The following CXXC5 variants were observed in gnomAD, a reference collection of about 807,000 sequenced individuals.
CXXC5 encodes the protein CXXC finger protein 5, also known as CXXC-type zinc finger protein 5.
Under a neutral mutation model 17.6 loss-of-function variants are expected in CXXC5, and 2 were observed. The ratio of observed to expected loss-of-function variants is 0.11; its 90% CI spans 0.05 to 0.36. CXXC5 has a LOEUF of 0.36. Among genes scored for constraint, CXXC5 ranks in the 10% least tolerant of loss-of-function variants. The probability of loss-of-function intolerance (pLI) is 1.00; values close to 1 mark genes in which losing one functional copy is unlikely to be tolerated. For synonymous variants in CXXC5, 171 were observed against 193.0 expected (o/e 0.89, Z 0.94); for missense variants, 343 against 458.3 (o/e 0.75, Z 2.30).
rs1244932512 is a variant in CXXC5, at chr5:139,670,055, G to A, written c.-160-10309G>A. Among the ~76,000 whole-genome samples the A allele has an allele frequency of 6.6e-6, 1 of 152,226 alleles. No individual in the cohort carries two copies. Among genetic ancestry groups the A allele is most frequent in the Admixed American group, 6.5e-5 (1 of 15,290 alleles). ...CACTGTGGCGGCGGCTCCTCTCCAG[G>A]CGCCCAGCTGTGGCATCTGTCAAGG... On this transcript the variant is annotated intron_variant, in intron 1 of 2. Coordinates refer to ENST00000302517, the MANE Select transcript of CXXC5 (RefSeq NM_016463.9). The surrounding 1 kb of genome is among the most constrained non-coding windows in gnomAD (Gnocchi z 4.2).
intron 1 of CXXC5, among the ~76,000 whole-genome samples, chr5:139,678,782 C>T (rs1226552105): frequency 6.6e-6 from 1 of 152,208 alleles, no homozygotes; most frequent in Non-Finnish European, 1.5e-5. Flanking sequence ...CCCTCAAGCC[C>T]AGGGCGTGAT....
rs1478607245 is a variant in CXXC5 at position 139,652,165 on chromosome 5, C to CGTGTGTGT, written c.-161+3321_-161+3322insTGTGTGTG. ...AGCCGCCGGCGCGCGCGCGCGCGCG[C>CGTGTGTGT]GCGCGCGTGTGTGTGTGTGTGTGTG... On this transcript the variant is annotated intron_variant, in intron 1 of 2. Transcript: ENST00000302517. 6.5e-4 allele frequency among the ~76,000 whole-genome samples: 91 copies of CGTGTGTGT among 139,604 alleles called. 1 individual carries two copies. The highest frequency in any genetic ancestry group is 2.3e-3 in the African/African-American group (82 of 35,848). The allele number at this position is 139,604 out of a possible 152,430, so 91.6% of individuals were successfully genotyped here. A position where few individuals can be genotyped will look rare whatever the true frequency, so the allele number is the denominator to read the frequency against.
In CXXC5 at chr5:139,663,462, T is replaced by C. The variant is rs1488917456; in HGVS notation, c.-161+14617T>C. On this transcript the variant is annotated intron_variant, in intron 1 of 2. Coordinates refer to ENST00000302517, the MANE Select transcript of CXXC5 (RefSeq NM_016463.9). This position sits in a 1 kb window ranked among gnomAD's most constrained non-coding sequence, Gnocchi z 4.2. ...GGTAGGAGGAAAGGCTGTCTAGAAG[T>C]GTAGGTAGGCCTTCTTCCTTTGGGC... 6.6e-6 allele frequency among the ~76,000 whole-genome samples: 1 copy of C among 151,816 alleles called. No homozygotes were observed. The highest frequency in any genetic ancestry group is 1.5e-5 in the Non-Finnish European group (1 of 67,954).
rs1027865206 is a variant in CXXC5 at position 139,655,905 on chromosome 5, T to C, written c.-161+7060T>C. Among the ~76,000 whole-genome samples the C allele has an allele frequency of 1.3e-4, 20 of 152,340 alleles. No individual in the cohort carries two copies. In the East Asian group the frequency reaches 2.5e-3, roughly 19 times the overall value. ...GGGCCTCACTGGCCTCCCAGGAATG[T>C]GGCTGGGACGCCCCAGCTATATTTA... On this transcript the variant is annotated intron_variant, in intron 1 of 2. Coordinates refer to ENST00000302517, the MANE Select transcript of CXXC5 (RefSeq NM_016463.9).
intron 2 of CXXC5, 145 bp downstream of exon 2, chr5:139,681,592 C>A: frequency 2.1e-6 from 2 of 954,348 alleles, no homozygotes; most frequent in Non-Finnish European, 3.1e-6. Flanking sequence ...GGGGGTCTGG[C>A]TTCAAGACAC....
At chr5:139,682,132 G>C (rs1291087554) in intron 2 of CXXC5, among the ~76,000 whole-genome samples, 1 of 152,190 alleles carries the variant, frequency 6.6e-6, no homozygotes, top group Non-Finnish European at 1.5e-5. Context: ...CCCTGTGGCA[G>C]GGCCCGTCCC....
At chr5:139,676,444 A>C (rs1015174886) in intron 1 of CXXC5, among the ~76,000 whole-genome samples, 1 of 1,012 alleles carries the variant, frequency 9.9e-4, no homozygotes, top group Non-Finnish European at 1.6e-3. Flanking sequence ...CCTCCTCCCC[A>C]CCTCCTCCCC....
At chr5:139,667,585 T>C (rs1210637117) in intron 1 of CXXC5, among the ~76,000 whole-genome samples, 1 of 152,172 alleles carries the variant, frequency 6.6e-6, no homozygotes, top group Non-Finnish European at 1.5e-5. Context: ...GGGTCTTCTT[T>C]CAGGCCTCAG....
intron 1 of CXXC5, among the ~76,000 whole-genome samples, chr5:139,679,202 C>T (rs1337997425): frequency 6.6e-6 from 1 of 152,220 alleles, no homozygotes; most frequent in African/African-American, 2.4e-5. Context: ...CACCCAGGCC[C>T]TACTCTGCAG....
chr5:139,662,721 G>A (rs1054689140), intron 1 of CXXC5, among the ~76,000 whole-genome samples: 6 of 152,232 alleles, frequency 3.9e-5, no homozygotes, highest in African/African-American at 1.2e-4. Flanking sequence ...GCAGTGGCCA[G>A]TCAGGAAACT....
At chr5:139,671,023 G>A (rs1439849695) in intron 1 of CXXC5, among the ~76,000 whole-genome samples, 1 of 152,202 alleles carries the variant, frequency 6.6e-6, no homozygotes, top group Non-Finnish European at 1.5e-5. Context: ...CACCCGAGGG[G>A]CTTTTGTCCC....
At chr5:139,664,970 T>G (rs899737493) in intron 1 of CXXC5, among the ~76,000 whole-genome samples, 2 of 152,200 alleles carry the variant, frequency 1.3e-5, no homozygotes, top group African/African-American at 2.4e-5. Flanking sequence ...ACAGAACTGA[T>G]AGAGTGTGGT....
chr5:139,657,877 G>A (rs546243614), intron 1 of CXXC5, among the ~76,000 whole-genome samples: 281 of 152,160 alleles, frequency 1.8e-3, no homozygotes, highest in African/African-American at 6.4e-3. Context: ...CTGACCTGAC[G>A]CCCGCCCTCC....
intron 1 of CXXC5, among the ~76,000 whole-genome samples, chr5:139,669,909 C>T (rs1375517286): frequency 6.6e-6 from 1 of 152,208 alleles, no homozygotes; most frequent in Admixed American, 6.5e-5. Flanking sequence ...CCCCATCCAC[C>T]CTACTGGGAG....
intron 1 of CXXC5, among the ~76,000 whole-genome samples, chr5:139,674,731 C>T (rs1756685161): frequency 1.3e-5 from 2 of 152,180 alleles, no homozygotes; most frequent in African/African-American, 4.8e-5. Context: ...AAAAATCCTG[C>T]CAGCCAGGCG....
At chr5:139,651,350 G>A (rs922866295) in intron 1 of CXXC5, among the ~76,000 whole-genome samples, 2 of 151,938 alleles carry the variant, frequency 1.3e-5, no homozygotes, top group African/African-American at 4.8e-5. Context: ...TTTATCACGT[G>A]AGGCCTGGAA....
chr5:139,647,604 A>G (rs1754941326), upstream of CXXC5, among the ~76,000 whole-genome samples: 1 of 152,136 alleles, frequency 6.6e-6, no homozygotes, highest in African/African-American at 2.4e-5. Context: ...GTACCTATTG[A>G]GCGCTGCTGT....
chr5:139,672,844 C>T (rs1035320353), intron 1 of CXXC5, among the ~76,000 whole-genome samples: 2 of 152,186 alleles, frequency 1.3e-5, no homozygotes, highest in African/African-American at 4.8e-5. Flanking sequence ...ACCTAGGCCT[C>T]AGGCCTCCAG....
At chr5:139,681,691 C>T (rs1460786004) in intron 2 of CXXC5, among the ~76,000 whole-genome samples, 1 of 152,218 alleles carries the variant, frequency 6.6e-6, no homozygotes, top group Non-Finnish European at 1.5e-5. Flanking sequence ...CAGGCAAGGA[C>T]CTAGCATTCT....
Sources: allele counts gnomAD v4.1 joint callset (sites outside exome capture counted in the v4.1 genomes callset), GRCh38; gene constraint gnomAD v4.1.1; non-coding constraint Gnocchi (gnomAD v3.1); transcripts MANE v1.5; gene names NCBI Gene and HGNC (gene_info 2026-07-23, HGNC 2026-07-21).